Variants in LRRC23 observed in about 807,000 individuals in gnomAD.
LRRC23 encodes leucine rich repeat containing 23.
Under a neutral mutation model 37.7 loss-of-function variants are expected in LRRC23, and 28 were observed. That is an observed-to-expected ratio of 0.74 (90% CI 0.55 to 1.02). LRRC23 has a LOEUF of 1.02. LRRC23 is among the 50% of genes least tolerant of loss of function. LRRC23 has a pLI of 0.00. For missense variants in LRRC23, 377 were observed against 413.2 expected (o/e 0.91, Z 0.76); for synonymous variants, 161 against 165.4 (o/e 0.97, Z 0.20).
Position 6,913,871 on chromosome 12 carries a change from C to A in LRRC23, c.*25-20C>A, listed in dbSNP as rs182766105. The A allele has an allele frequency of 7.8e-5, 121 of 1,548,012 alleles. No homozygotes were observed. In the East Asian group the frequency reaches 2.3e-3, roughly 29 times the overall value. On this transcript the variant is annotated intron_variant, in intron 7 of 7. Coordinates refer to ENST00000443597, the MANE Select transcript of LRRC23 (RefSeq NM_001135217.2). ...AGCCACAGCGCCTGGTCCCTATTTA[C>A]TTCTGTCTTCTACCTCCAGGAGATC...
In LRRC23 at chr12:6,913,111, A is replaced by C. The variant is rs1193645181; in HGVS notation, c.*24+84A>C. On this transcript the variant is annotated intron_variant, in intron 7 of 7. Transcript: ENST00000443597. ...GAGGCAAGAGGGGAAGCTGCTGCAG[A>C]AGGAGGTGGGAGAGGAAAGCATCAG... is the stretch of plus-strand genomic sequence containing the variant. 4 of 1,378,748 alleles carry C rather than the reference A, an allele frequency of 2.9e-6. No individual in the cohort carries two copies. The African/African-American group carries it at 4.3e-5, about 15-fold the overall frequency. 85.4% of individuals were successfully genotyped at this position (1,378,748 alleles called of 1,614,324 possible).
At chr12:6,907,862 G>A (rs1424460022) in intron 5 of LRRC23, 6 of 307,410 alleles carry the variant, frequency 2.0e-5, no homozygotes, top group Non-Finnish European at 3.6e-5. Flanking sequence ...CCAGCTGGGT[G>A]ATCTCTAATT....
Position 6,914,043 on chromosome 12 carries a change from C to A in LRRC23, c.*177C>A. On this transcript the variant is annotated 3_prime_UTR_variant, in exon 8 of 8. Transcript: ENST00000443597. The surrounding 1 kb of genome is among the most constrained non-coding windows in gnomAD (Gnocchi z 7.1). ...ATCTGCTCTGTGCCGGTCCTCTGGG[C>A]AGTGTGGGGTGCAGAATGGGGTGCC... The A allele has an allele frequency of 6.2e-7, 1 of 1,604,098 alleles. No homozygotes were observed. The highest frequency in any genetic ancestry group is 8.5e-7 in the Non-Finnish European group (1 of 1,175,828).
intron 7 of LRRC23, among the ~76,000 whole-genome samples, chr12:6,913,568 T>G (rs1253761310): frequency 6.3e-5 from 8 of 127,680 alleles, no homozygotes; most frequent in Non-Finnish European, 1.2e-4. Context: ...TTTTTTTTTT[T>G]TTTTTTTTTT....
chr12:6,905,492 G>T, intron 1 of LRRC23, 93 bp from the exon 2 acceptor site: 1 of 741,782 alleles, frequency 1.3e-6, no homozygotes. Flanking sequence ...AGAGTTGGTG[G>T]GTCAGAAGTC....
chr12:6,908,590 C>G (rs1945006476), intron 5 of LRRC23, among the ~76,000 whole-genome samples: 1 of 92,562 alleles, frequency 1.1e-5, no homozygotes, highest in Admixed American at 1.2e-4. Context: ...GAGCAAGACT[C>G]CATCTCAAAA....
At chr12:6,909,032 ATTATATATTATATAAT>A (rs1945029593) in intron 5 of LRRC23, among the ~76,000 whole-genome samples, 2 of 92,656 alleles carry the variant, frequency 2.2e-5, no homozygotes, top group Non-Finnish European at 4.1e-5. Context: ...CGATATATAT[ATTATATATTATATAAT>A]TATATATTAT....
chr12:6,909,392 AATATTATATATAATAGT>A (rs1555140375), intron 5 of LRRC23, among the ~76,000 whole-genome samples: 1 of 47,798 alleles, frequency 2.1e-5, no homozygotes, highest in African/African-American at 1.4e-4. Flanking sequence ...ATAATATATA[AATATTATATATAATAGT>A]ATATTATATA....
rs1555139482 is a variant in LRRC23, at chr12:6,905,915, G to T, written c.197G>T (p.Gly66Val). 6.2e-7 allele frequency: 1 copy of T among 1,613,998 alleles called. No homozygotes were observed. The highest frequency in any genetic ancestry group is 8.5e-7 in the Non-Finnish European group (1 of 1,180,006). Residue 66 changes from glycine (G) to valine (V), a missense_variant, in exon 3 of 8, where the codon GGG becomes GTG. This residue lies in a region of LRRC23 where 106 missense variants were observed against 105.9 expected (regional missense o/e 1.00). Transcript: ENST00000443597. ...GLSLLCKTGNGLAHAYVKLEV... is the reference protein window; with the variant it reads ...GLSLLCKTGNVLAHAYVKLEV... ...TCTCTGCTCTGTAAGACAGGCAATG[G>T]GCTGGCTCATGCTTATGTCAAGCTG...
intron 4 of LRRC23, among the ~76,000 whole-genome samples, chr12:6,907,020 C>T (rs915523913): frequency 4.6e-5 from 7 of 152,086 alleles, no homozygotes; most frequent in African/African-American, 1.7e-4. Context: ...TTGGTTAGGA[C>T]AACCATCACT....
intron 5 of LRRC23, among the ~76,000 whole-genome samples, chr12:6,909,441 A>T (rs868989789): frequency 7.9e-4 from 63 of 79,258 alleles, no homozygotes; most frequent in Middle Eastern, 5.5e-3. Flanking sequence ...TATTATATAT[A>T]ATAGTATATA....
intron 5 of LRRC23, 124 bp downstream of exon 5, chr12:6,907,569 A>C: frequency 9.7e-7 from 1 of 1,032,742 alleles, no homozygotes; most frequent in Non-Finnish European, 1.5e-6. Context: ...ATTATTATCA[A>C]GACCATAGTT....
chr12:6,913,582 T>TTTTTG (rs1555141126), intron 7 of LRRC23, among the ~76,000 whole-genome samples: 1 of 141,182 alleles, frequency 7.1e-6, no homozygotes, highest in Non-Finnish European at 1.5e-5. Context: ...TTTTTTTTTT[T>TTTTTG]TGCGAGGTAG....
intron 5 of LRRC23, 139 bp downstream of exon 5, chr12:6,907,584 C>A (rs1944980902): frequency 1.1e-6 from 1 of 911,944 alleles, no homozygotes; most frequent in South Asian, 1.4e-5. Flanking sequence ...ATAGTTGGTT[C>A]CAGATGCTGT....
Position 6,905,742 on chromosome 12 carries a change from GA to G in LRRC23, c.111del (p.Glu38SerfsTer15). On this transcript the variant is annotated frameshift_variant, in exon 2 of 8. Transcript: ENST00000443597. LOFTEE classifies it high-confidence loss of function. ...EEGEDYRKEG[E>X]EFPEEWLPTP... Reference sequence around the variant, plus strand: ...GGGGGAGGACTACAGAAAAGAGGGGGAAGAGTTCCCTGAGGAAGTGAGAGCC... The same window carrying G: ...GGGGGAGGACTACAGAAAAGAGGGGGAGAGTTCCCTGAGGAAGTGAGAGCC... 1 of 1,610,830 alleles carries G rather than the reference GA, an allele frequency of 6.2e-7. No homozygotes were observed. Among genetic ancestry groups the G allele is most frequent in the African/African-American group, 1.3e-5 (1 of 74,580 alleles).
chr12:6,910,821 G>A (rs1477991655), intron 6 of LRRC23, among the ~76,000 whole-genome samples: 2 of 152,086 alleles, frequency 1.3e-5, no homozygotes, highest in African/African-American at 4.8e-5. Flanking sequence ...GGAGGCTGAG[G>A]TTGGAGGATC....
intron 7 of LRRC23, chr12:6,913,305 A>G: frequency 2.4e-6 from 1 of 414,554 alleles, no homozygotes; most frequent in Admixed American, 3.9e-5. Context: ...TACCTGACAC[A>G]GAGTGAAGTC....
rs1356060954 is a variant in LRRC23, at chr12:6,907,213, C to G, written c.491-102C>G. The G allele has an allele frequency of 1.5e-5, 21 of 1,409,262 alleles. No homozygotes were observed. The Admixed American group carries it at 3.5e-4, about 24-fold the overall frequency. The allele number at this position is 1,409,262 out of a possible 1,614,324, so 87.3% of individuals were successfully genotyped here. A position where few individuals can be genotyped will look rare whatever the true frequency, so the allele number is the denominator to read the frequency against. On this transcript the variant is annotated intron_variant, in intron 4 of 7. Coordinates refer to ENST00000443597, the MANE Select transcript of LRRC23 (RefSeq NM_001135217.2). ...GAGCTGGCCTTCCTCAGTATCTACC[C>G]TGCTTTGCGAATGGTAGGATGATTT...
At chr12:6,906,110 TCTC>T (rs1433201231) in intron 3 of LRRC23, among the ~76,000 whole-genome samples, 156 bp downstream of exon 3, 4 of 152,040 alleles carry the variant, frequency 2.6e-5, no homozygotes, top group East Asian at 1.9e-4. Flanking sequence ...CTCTGAGACT[TCTC>T]CTATCAAAGC....
Sources: gnomAD v4.1 joint callset for allele counts (sites outside exome capture counted in the v4.1 genomes callset) on GRCh38, gnomAD v4.1.1 for gene constraint, gnomAD v4.1.1 regional missense constraint, Gnocchi (gnomAD v3.1) non-coding constraint, MANE v1.5 for transcripts, NCBI Gene and HGNC (gene_info 2026-07-23, HGNC 2026-07-21) for gene names.